The following TANC1 variants were observed in gnomAD, a reference collection of about 807,000 sequenced individuals.
TANC1 encodes tetratricopeptide repeat, ankyrin repeat and coiled-coil containing 1.
TANC1 carries 77 observed loss-of-function variants against 149.7 expected under a neutral mutation model. That is an observed-to-expected ratio of 0.51 (90% CI 0.43 to 0.62). The LOEUF is 0.62. TANC1 is among the 20% of genes least tolerant of loss of function. The probability of loss-of-function intolerance (pLI) is 0.00; values close to 1 mark genes in which losing one functional copy is unlikely to be tolerated. For synonymous variants in TANC1, 854 were observed against 925.0 expected, an observed-to-expected ratio of 0.92 and a Z score of 1.39; for missense variants, 1,985 against 2,321.8, an observed-to-expected ratio of 0.85 and a Z score of 2.98.
At chr2:159,108,486 C>G (rs572970950) in intron 4 of TANC1, among the ~76,000 whole-genome samples, 1 of 152,296 alleles carries the variant, frequency 6.6e-6, no homozygotes, top group African/African-American at 2.4e-5. Flanking sequence ...GTTTTCACCT[C>G]AGAGAAAATA....
chr2:159,164,354 TA>T (rs980679205), intron 8 of TANC1, among the ~76,000 whole-genome samples: 3 of 152,256 alleles, frequency 2.0e-5, no homozygotes, highest in African/African-American at 7.2e-5. Flanking sequence ...AGAGATTATT[TA>T]AAATATATAG....
chr2:159,064,014 G>C (rs1559189844), intron 2 of TANC1, among the ~76,000 whole-genome samples: 2 of 152,166 alleles, frequency 1.3e-5, no homozygotes, highest in Admixed American at 6.5e-5. Flanking sequence ...CCTTGCATGA[G>C]CTTCGGTGGC....
chr2:159,085,518 A>G (rs1244697511), intron 3 of TANC1, among the ~76,000 whole-genome samples: 1 of 152,138 alleles, frequency 6.6e-6, no homozygotes, highest in Admixed American at 6.5e-5. Context: ...TTGCATTGCT[A>G]TAAAGGAATA....
At chr2:159,082,633 C>T (rs2044396697) in intron 3 of TANC1, among the ~76,000 whole-genome samples, 1 of 152,128 alleles carries the variant, frequency 6.6e-6, no homozygotes, top group African/African-American at 2.4e-5. Flanking sequence ...TAGGCATGTC[C>T]TTAGCAGAGT....
At chr2:159,111,062 A>G (rs1315297401) in intron 4 of TANC1, among the ~76,000 whole-genome samples, 3 of 152,218 alleles carry the variant, frequency 2.0e-5, no homozygotes, top group Admixed American at 6.5e-5. Flanking sequence ...GAATTACCCT[A>G]TACAGGAAGC....
intron 4 of TANC1, among the ~76,000 whole-genome samples, chr2:159,101,355 T>C (rs1383858884): frequency 6.6e-6 from 1 of 152,216 alleles, no homozygotes; most frequent in Non-Finnish European, 1.5e-5. Context: ...GTTAATACAA[T>C]TGATGATTAC....
intron 8 of TANC1, among the ~76,000 whole-genome samples, chr2:159,164,655 T>A (rs534845671): frequency 3.7e-4 from 57 of 152,348 alleles, no homozygotes; most frequent in African/African-American, 1.3e-3. Flanking sequence ...CTTCTACTAC[T>A]GCAGGGACCC....
chr2:159,020,870 C>CTT (rs762059809), intron 2 of TANC1, among the ~76,000 whole-genome samples: 4 of 144,220 alleles, frequency 2.8e-5, no homozygotes, highest in Admixed American at 2.1e-4. Context: ...CAGTCAGTCT[C>CTT]TTTTTTTTTT....
At chr2:159,212,919 CAAAAAAAAA>C (rs35369711) in intron 19 of TANC1, among the ~76,000 whole-genome samples, 23,300 of 115,190 alleles carry the variant, frequency 0.2, 2,537 homozygotes, top group Admixed American at 0.41. Context: ...GACACCGTCT[CAAAAAAAAA>C]AAAAAAAAAA....
Position 159,194,487 on chromosome 2 carries a change from A to G in TANC1, c.2973A>G (p.Gly991=). 2.5e-6 allele frequency: 4 copies of G among 1,613,738 alleles called. No individual in the cohort carries two copies. Among genetic ancestry groups the G allele is most frequent in the Non-Finnish European group, 3.4e-6 (4 of 1,179,666 alleles). The part of the protein sequence containing the change: ...MKLVCLLTKK[G]VRVDHLDKKG... Reference sequence around the variant, plus strand: ...TGGTGTGTCTGCTGACCAAGAAGGGAGTGAGAGTAAGCGGCAGCCTGCTCT... The same window carrying G: ...TGGTGTGTCTGCTGACCAAGAAGGGGGTGAGAGTAAGCGGCAGCCTGCTCT... The change falls in exon 17 of 27, where the codon GGA becomes GGG. Residue 991 remains glycine (G), a synonymous_variant. Transcript: ENST00000263635.
In TANC1 at chr2:159,149,159, G is replaced by A; in HGVS notation, c.382G>A (p.Glu128Lys). ...TGTTCCAGAAGCAAAGGCCGATAAT[G>A]AACCGAGCTGTTCGCCGGCAGCTCA... ...PDEHEAKADNEPSCSPAAQEL... is the reference protein window; with the variant it reads ...PDEHEAKADNKPSCSPAAQEL... The change falls in exon 6 of 27, where the codon GAA (glutamate) becomes AAA (lysine). Residue 128 changes from glutamate to lysine, a missense_variant. This residue lies in a region of TANC1 where 557 missense variants were observed against 612.9 expected (regional missense o/e 0.91). Coordinates refer to ENST00000263635, the MANE Select transcript of TANC1 (RefSeq NM_033394.3). 6.2e-7 allele frequency: 1 copy of A among 1,605,204 alleles called. No homozygotes were observed. Among genetic ancestry groups the A allele is most frequent in the African/African-American group, 1.3e-5 (1 of 74,762 alleles).
At chr2:159,032,463 C>T (rs2039859790) in intron 2 of TANC1, among the ~76,000 whole-genome samples, 1 of 152,126 alleles carries the variant, frequency 6.6e-6, no homozygotes, top group South Asian at 2.1e-4. Context: ...TTTCTTGGTG[C>T]CCAGGGTCAC....
rs376674032 is a variant in TANC1 at position 159,096,542 on chromosome 2, A to C, written c.62-1095A>C. On this transcript the variant is annotated intron_variant, in intron 3 of 26. Coordinates refer to ENST00000263635, the MANE Select transcript of TANC1 (RefSeq NM_033394.3). ...ACAGATGGAACAATGGCGAGAGCAC[A>C]CCTGGACAGGGGAGGGGCAGGAGTT... 7.9e-4 allele frequency among the ~76,000 whole-genome samples: 120 copies of C among 152,300 alleles called. 2 individuals are homozygous for C. Among genetic ancestry groups the C allele is most frequent in the African/African-American group, 2.8e-3 (116 of 41,572 alleles).
intron 1 of TANC1, among the ~76,000 whole-genome samples, chr2:158,979,376 C>A (rs1411767959): frequency 2.0e-5 from 3 of 151,718 alleles, no homozygotes; most frequent in Non-Finnish European, 4.4e-5. Flanking sequence ...TGCCTGTGGT[C>A]TCAGCTACGT....
intron 19 of TANC1, among the ~76,000 whole-genome samples, chr2:159,217,271 A>C (rs1419431059): frequency 6.6e-6 from 1 of 152,130 alleles, no homozygotes; most frequent in Non-Finnish European, 1.5e-5. Context: ...AAGAGTGTTC[A>C]AGGAAGTGCA....
intron 7 of TANC1, among the ~76,000 whole-genome samples, chr2:159,163,032 T>G (rs920481697): frequency 2.0e-5 from 3 of 152,252 alleles, no homozygotes; most frequent in Non-Finnish European, 2.9e-5. Context: ...TTAGACAATT[T>G]TTTTCATTAT....
rs1407696567 is a variant in TANC1 at position 159,116,546 on chromosome 2, C to A, written c.259+18712C>A. Among the ~76,000 whole-genome samples the A allele has an allele frequency of 1.4e-4, 22 of 152,036 alleles. 1 individual carries two copies. The highest frequency in any genetic ancestry group is 1.4e-3 in the Admixed American group (22 of 15,278). ...TAGGCAAACTTTTTCTGTCAAGGGC[C>A]AGATAGTAAATATCTCAGGCTTTGA... is the stretch of plus-strand genomic sequence containing the variant. On this transcript the variant is annotated intron_variant, in intron 4 of 26. Transcript: ENST00000263635.
intron 4 of TANC1, among the ~76,000 whole-genome samples, chr2:159,113,777 A>G (rs1390657047): frequency 6.6e-6 from 1 of 152,178 alleles, no homozygotes; most frequent in Non-Finnish European, 1.5e-5. Context: ...CTGGAGTATA[A>G]CTTGAGCCAA....
chr2:159,202,075 T>C lies in TANC1; in HGVS notation c.3244+3022T>C, dbSNP rs189959007. On this transcript the variant is annotated intron_variant, in intron 19 of 26. Transcript: ENST00000263635. ...TCTATTCCACATGGCAGAAGTGTGG[T>C]TGTCGTGCCTGTTGCTGATTGGAAG... Among the ~76,000 whole-genome samples the C allele has an allele frequency of 6.5e-3, 997 of 152,286 alleles. 12 individuals are homozygous for C. Among genetic ancestry groups the C allele is most frequent in the African/African-American group, 0.023 (942 of 41,560 alleles).
Sources: allele counts gnomAD v4.1 joint callset (sites outside exome capture counted in the v4.1 genomes callset), GRCh38; gene constraint gnomAD v4.1.1; regional missense constraint gnomAD v4.1.1; transcripts MANE v1.5; gene names NCBI Gene and HGNC (gene_info 2026-07-23, HGNC 2026-07-21).